Variants in ATXN2 observed in about 807,000 individuals in gnomAD.
ATXN2 encodes the protein ataxin-2.
ATXN2 carries 37 observed loss-of-function variants against 138.6 expected under a neutral mutation model. The ratio of observed to expected loss-of-function variants is 0.27; its 90% confidence interval spans 0.21 to 0.35. The LOEUF (loss-of-function observed/expected upper bound fraction) is 0.35, where lower values mean the gene tolerates loss of function less well. ATXN2 is among the 10% of genes least tolerant of loss of function. ATXN2 has a pLI of 1.00. For synonymous variants in ATXN2, 549 were observed against 543.7 expected, an observed-to-expected ratio of 1.01 and a Z score of -0.13; for missense variants, 1,216 against 1,480.3, an observed-to-expected ratio of 0.82 and a Z score of 2.93.
chr12:111,589,598 C>T (rs554174244), intron 1 of ATXN2, among the ~76,000 whole-genome samples: 1 of 150,940 alleles, frequency 6.6e-6, no homozygotes, highest in Non-Finnish European at 1.5e-5. Context: ...ATGATAAAAC[C>T]CCATCTCTAC....
intron 1 of ATXN2, among the ~76,000 whole-genome samples, chr12:111,558,790 C>A (rs1882518758): frequency 6.6e-6 from 1 of 152,048 alleles, no homozygotes; most frequent in Admixed American, 6.6e-5. Flanking sequence ...GAGCAAAACC[C>A]TGTCTCAAAA....
chr12:111,483,543 G>C (rs540045871), intron 18 of ATXN2, among the ~76,000 whole-genome samples: 1 of 146,028 alleles, frequency 6.8e-6, no homozygotes, highest in African/African-American at 2.5e-5. Context: ...TTTTAGTAGA[G>C]ACGGGTTTTC....
At position 111,488,570 on chromosome 12, in the gene ATXN2, T is replaced by G. The variant is rs1460629644; in HGVS notation, c.2146A>C (p.Arg716=). 3 of 1,614,104 alleles carry G rather than the reference T, an allele frequency of 1.9e-6. No homozygotes were observed. The highest frequency in any genetic ancestry group is 2.5e-6 in the Non-Finnish European group (3 of 1,180,042). ...PSILSNTEHK[R]GPEVTSQGVQ... Reference sequence around the variant, plus strand: ...CCTTGGGAAGTGACCTCAGGTCCCCTCTTGTGCTCCGTGTTACTAAGTATT... The same window carrying G: ...CCTTGGGAAGTGACCTCAGGTCCCCGCTTGTGCTCCGTGTTACTAAGTATT... Residue 716 remains arginine, a synonymous_variant, in exon 15 of 25, where the codon AGG becomes CGG. Transcript: ENST00000673436.
At chr12:111,533,285 G>A (rs1476806099) in intron 5 of ATXN2, among the ~76,000 whole-genome samples, 1 of 152,106 alleles carries the variant, frequency 6.6e-6, no homozygotes, top group Non-Finnish European at 1.5e-5. Flanking sequence ...ATCTATGGGG[G>A]ATTGGTTCTA....
intron 18 of ATXN2, among the ~76,000 whole-genome samples, chr12:111,478,407 TA>T (rs1876978964): frequency 6.6e-6 from 1 of 151,132 alleles, no homozygotes; most frequent in Admixed American, 6.6e-5. Context: ...TTCCATCAAA[TA>T]AATAAATAAA....
chr12:111,491,259 AC>A (rs1878013968), intron 14 of ATXN2, among the ~76,000 whole-genome samples: 1 of 152,158 alleles, frequency 6.6e-6, no homozygotes, highest in African/African-American at 2.4e-5. Context: ...GCCAAAAAAA[AC>A]CAAAAGAATC....
At chr12:111,535,783 G>A (rs1006603330) in intron 5 of ATXN2, among the ~76,000 whole-genome samples, 1 of 151,740 alleles carries the variant, frequency 6.6e-6, no homozygotes, top group South Asian at 2.1e-4. Context: ...GGCGGATCAC[G>A]AGGTCAGGAG....
chr12:111,565,986 A>T (rs1182413001), intron 1 of ATXN2, among the ~76,000 whole-genome samples: 1 of 150,276 alleles, frequency 6.7e-6, no homozygotes, highest in Non-Finnish European at 1.5e-5. Context: ...ACAGAGTGAG[A>T]TTCTGTCTCA....
intron 1 of ATXN2, among the ~76,000 whole-genome samples, chr12:111,563,453 A>G (rs985866582): frequency 6.6e-6 from 1 of 152,132 alleles, no homozygotes; most frequent in African/African-American, 2.4e-5. Flanking sequence ...CCTTATTTTG[A>G]CAACTGTACT....
intron 1 of ATXN2, among the ~76,000 whole-genome samples, chr12:111,568,592 A>G (rs1883143640): frequency 6.6e-6 from 1 of 152,180 alleles, no homozygotes. Flanking sequence ...GTAAAACTGT[A>G]AGAATGCTCT....
chr12:111,469,774 T>C (rs1376111372), intron 20 of ATXN2: 1 of 338,244 alleles, frequency 3.0e-6, no homozygotes, highest in Non-Finnish European at 5.3e-6. Context: ...TATTATAAAA[T>C]TCTCTTGCAT....
chr12:111,492,037 G>T (rs1025207487), intron 14 of ATXN2, among the ~76,000 whole-genome samples: 1 of 152,100 alleles, frequency 6.6e-6, no homozygotes. Flanking sequence ...AGCACCCTTG[G>T]GCCTTAAATT....
rs757837884 is a variant in ATXN2 at position 111,553,572 on chromosome 12, CAAAAAAAAAAAAAAAA to C, written c.348+570_348+585del. Among the ~76,000 whole-genome samples, 16 of 48,926 alleles carry C rather than the reference CAAAAAAAAAAAAAAAA, an allele frequency of 3.3e-4. No individual in the cohort carries two copies. In the East Asian group the frequency reaches 3.8e-3, roughly 12 times the overall value. The allele number at this position is 48,926 out of a possible 152,430, so 32.1% of individuals were successfully genotyped here. ...AGACGCAACCATGCCTCTTTTTTCT[CAAAAAAAAAAAAAAAA>C]AAAAAAAAAAAAAAAATTTTTTTTT... On this transcript the variant is annotated intron_variant, in intron 3 of 24. Transcript: ENST00000673436.
chr12:111,518,534 T>G, intron 8 of ATXN2, 107 bp from the exon 9 acceptor site: 1 of 1,241,450 alleles, frequency 8.1e-7, no homozygotes, highest in Non-Finnish European at 1.1e-6. Flanking sequence ...ACAAAAAGGT[T>G]CTACACTAAA....
rs542601588 is a variant in ATXN2, at chr12:111,587,160, C to T, written c.251+11624G>A. 2.4e-3 allele frequency among the ~76,000 whole-genome samples: 359 copies of T among 150,610 alleles called. 1 individual carries two copies. Among genetic ancestry groups the T allele is most frequent in the Non-Finnish European group, 3.8e-3 (258 of 67,738 alleles). ...ACATTTAGTCTTCAATTCCTGATTT[C>T]GAAATGTGTTTCAGGAATGAAAATA... On this transcript the variant is annotated intron_variant, in intron 1 of 24. Transcript: ENST00000673436.
intron 1 of ATXN2, among the ~76,000 whole-genome samples, chr12:111,571,189 A>G (rs1883292469): frequency 6.6e-6 from 1 of 152,228 alleles, no homozygotes; most frequent in Admixed American, 6.5e-5. Context: ...GCTCCTGTGT[A>G]CAACAAGGAA....
intron 2 of ATXN2, among the ~76,000 whole-genome samples, chr12:111,554,969 A>T (rs746057067): frequency 6.6e-6 from 1 of 152,188 alleles, no homozygotes; most frequent in Non-Finnish European, 1.5e-5. Flanking sequence ...ATATACGTGT[A>T]TATCTTCCTG....
At chr12:111,489,945 A>G (rs1281079652) in intron 14 of ATXN2, among the ~76,000 whole-genome samples, 2 of 151,904 alleles carry the variant, frequency 1.3e-5, no homozygotes, top group African/African-American at 2.4e-5. Context: ...GCTAACACCT[A>G]TCATCCTAGC....
intron 22 of ATXN2, 82 bp from the exon 23 acceptor site, chr12:111,456,338 C>T: frequency 2.1e-6 from 3 of 1,433,948 alleles, no homozygotes; most frequent in South Asian, 2.3e-5. Context: ...CTAAGCTTTG[C>T]ACACTTGGGC....
Sources: allele counts gnomAD v4.1 joint callset (sites outside exome capture counted in the v4.1 genomes callset), GRCh38; gene constraint gnomAD v4.1.1; transcripts MANE v1.5; gene names NCBI Gene and HGNC (gene_info 2026-07-23, HGNC 2026-07-21).